Variants in MALRD1 observed in about 807,000 individuals in gnomAD.
MALRD1 encodes MAM and LDL-receptor class A domain-containing protein 1.
MALRD1 carries 247 observed loss-of-function variants against 242.1 expected under a neutral mutation model. That is an observed-to-expected ratio of 1.02 (90% CI 0.92 to 1.13). The LOEUF (loss-of-function observed/expected upper bound fraction) is 1.13. Among genes scored for constraint, MALRD1 ranks in the 50% most tolerant of loss-of-function variants. The probability of loss-of-function intolerance (pLI) is 0.00; values close to 1 mark genes in which losing one functional copy is unlikely to be tolerated. For synonymous variants in MALRD1, 995 were observed against 866.6 expected (o/e 1.15, Z -2.60); for missense variants, 2,989 against 2,533.1 (o/e 1.18, Z -3.86).
chr10:19,719,293 C>A (rs1834632212), intron 38 of MALRD1, among the ~76,000 whole-genome samples: 1 of 138,222 alleles, frequency 7.2e-6, no homozygotes, highest in African/African-American at 2.7e-5. Context: ...GACTTTCCTG[C>A]TAGGCATCTG....
intron 28 of MALRD1, among the ~76,000 whole-genome samples, chr10:19,444,542 G>T (rs564559708): frequency 1.6e-4 from 24 of 152,072 alleles, no homozygotes; most frequent in Non-Finnish European, 3.1e-4. Context: ...GTCTGTAAAG[G>T]ATTTTATTTC....
chr10:19,376,126 A>T (rs1845579555), intron 26 of MALRD1, among the ~76,000 whole-genome samples: 1 of 152,236 alleles, frequency 6.6e-6, no homozygotes, highest in South Asian at 2.1e-4. Context: ...CGTCTCAAAA[A>T]ACAAAACAAA....
At chr10:19,101,677 GAT>G (rs1323153187) in intron 4 of MALRD1, among the ~76,000 whole-genome samples, 1 of 133,050 alleles carries the variant, frequency 7.5e-6, no homozygotes, top group African/African-American at 2.7e-5. Context: ...ATGTATATAA[GAT>G]ATAGGTATAT....
chr10:19,600,261 C>T (rs1185908464), intron 34 of MALRD1, among the ~76,000 whole-genome samples: 2 of 152,172 alleles, frequency 1.3e-5, no homozygotes, highest in Non-Finnish European at 1.5e-5. Flanking sequence ...TATTCCTCTG[C>T]ATTTACCAGC....
intron 29 of MALRD1, among the ~76,000 whole-genome samples, chr10:19,464,531 GTTTA>G (rs1836125120): frequency 1.3e-5 from 2 of 152,052 alleles, no homozygotes; most frequent in Non-Finnish European, 2.9e-5. Flanking sequence ...AGTATTTGGG[GTTTA>G]TTTATTGGTT....
intron 27 of MALRD1, chr10:19,389,204 A>T (rs908830284): frequency 1.7e-6 from 1 of 593,524 alleles, no homozygotes; most frequent in African/African-American, 1.8e-5. Context: ...ATGCGACGGC[A>T]TAAATATCCC....
intron 19 of MALRD1, among the ~76,000 whole-genome samples, chr10:19,260,972 G>A (rs890361111): frequency 6.6e-6 from 1 of 152,140 alleles, no homozygotes; most frequent in Non-Finnish European, 1.5e-5. Flanking sequence ...CAAAATTAAG[G>A]ATCGGACTGT....
At chr10:19,248,625 TA>T (rs1839167538) in intron 18 of MALRD1, among the ~76,000 whole-genome samples, 2 of 151,970 alleles carry the variant, frequency 1.3e-5, no homozygotes. Context: ...AAGGTGAAAG[TA>T]AAAATTTGAA....
At chr10:19,150,901 C>T (rs1833924140) in intron 11 of MALRD1, among the ~76,000 whole-genome samples, 1 of 152,156 alleles carries the variant, frequency 6.6e-6, no homozygotes, top group African/African-American at 2.4e-5. Context: ...TTCTTGTACA[C>T]ATTTCCTCCT....
chr10:19,590,353 A>AATATATGTATATGTCTATATACATATTTT (rs1317831468), intron 33 of MALRD1, among the ~76,000 whole-genome samples: 4 of 147,084 alleles, frequency 2.7e-5, no homozygotes, highest in South Asian at 2.1e-4. Flanking sequence ...TATTTTATAT[A>AATATATGTATATGTCTATATACATATTTT]ATATATGTAT....
intron 28 of MALRD1, among the ~76,000 whole-genome samples, chr10:19,413,030 T>C (rs1325047060): frequency 2.0e-5 from 3 of 152,098 alleles, no homozygotes; most frequent in Non-Finnish European, 4.4e-5. Flanking sequence ...TGTAAAGAGA[T>C]GGAAATCTTA....
chr10:19,054,912 A>G (rs186473461), intron 1 of MALRD1, among the ~76,000 whole-genome samples: 14 of 152,340 alleles, frequency 9.2e-5, no homozygotes, highest in African/African-American at 2.6e-4. Context: ...TCAGAAATAT[A>G]CCTAGAATTG....
chr10:19,118,270 A>G (rs1836941929), intron 5 of MALRD1, among the ~76,000 whole-genome samples: 1 of 152,232 alleles, frequency 6.6e-6, no homozygotes. Context: ...TGAGCCAAAC[A>G]TGAGTGATCG....
intron 18 of MALRD1, among the ~76,000 whole-genome samples, chr10:19,246,635 A>T (rs1839060985): frequency 6.6e-6 from 1 of 152,140 alleles, no homozygotes; most frequent in Non-Finnish European, 1.5e-5. Context: ...ACTCAGGCTT[A>T]TCTTGTGACA....
chr10:19,602,966 A>C (rs1003560867), intron 34 of MALRD1, among the ~76,000 whole-genome samples: 1 of 151,964 alleles, frequency 6.6e-6, no homozygotes, highest in African/African-American at 2.4e-5. Context: ...GCATTTTTTC[A>C]TGTGTCTGTT....
intron 29 of MALRD1, among the ~76,000 whole-genome samples, chr10:19,474,506 A>G (rs1836639980): frequency 6.6e-6 from 1 of 152,098 alleles, no homozygotes; most frequent in African/African-American, 2.4e-5. Flanking sequence ...ATACATTTCG[A>G]CACAGTCTGT....
chr10:19,223,379 A>G (rs952475903), intron 18 of MALRD1, among the ~76,000 whole-genome samples: 3 of 151,912 alleles, frequency 2.0e-5, no homozygotes, highest in African/African-American at 7.3e-5. Flanking sequence ...TAAACTTTTG[A>G]AAACTAGTTC....
chr10:19,695,449 T>C (rs955728149), intron 38 of MALRD1, among the ~76,000 whole-genome samples: 3 of 151,830 alleles, frequency 2.0e-5, no homozygotes, highest in Admixed American at 6.6e-5. Context: ...GGACTCACAG[T>C]TTCATATGGC....
At chr10:19,184,739 G>T (rs921854319) in intron 14 of MALRD1, among the ~76,000 whole-genome samples, 3 of 152,076 alleles carry the variant, frequency 2.0e-5, no homozygotes, top group Non-Finnish European at 4.4e-5. Context: ...GTGGAGATGG[G>T]GTTTTGCCAT....
Sources: gnomAD v4.1 joint callset for allele counts (sites outside exome capture counted in the v4.1 genomes callset) on GRCh38, gnomAD v4.1.1 for gene constraint, MANE v1.5 for transcripts, NCBI Gene and HGNC (gene_info 2026-07-23, HGNC 2026-07-21) for gene names.